The following KCNQ5 variants were observed in gnomAD, a reference collection of about 807,000 sequenced individuals.
KCNQ5 encodes the protein potassium voltage-gated channel subfamily KQT member 5.
Under a neutral mutation model 98.2 loss-of-function variants are expected in KCNQ5, and 30 were observed. The ratio of observed to expected loss-of-function variants is 0.31; its 90% CI spans 0.23 to 0.41. KCNQ5 has a LOEUF of 0.41. Among genes scored for constraint, KCNQ5 ranks in the 10% least tolerant of loss-of-function variants. The probability of loss-of-function intolerance (pLI) is 1.00; values close to 1 mark genes in which losing one functional copy is unlikely to be tolerated. For missense variants in KCNQ5, 835 were observed against 1,182.5 expected (o/e 0.71, Z 4.31); for synonymous variants, 458 against 449.4 (o/e 1.02, Z -0.24).
chr6:72,820,280 C>A (rs1775692075), intron 1 of KCNQ5, among the ~76,000 whole-genome samples: 1 of 152,054 alleles, frequency 6.6e-6, no homozygotes, highest in Non-Finnish European at 1.5e-5. Flanking sequence ...AACTGAGGGA[C>A]AAAGAGGTTA....
intron 10 of KCNQ5, chr6:73,136,755 A>T (rs967813676): frequency 2.6e-5 from 4 of 152,248 alleles, no homozygotes; most frequent in African/African-American, 9.6e-5. Context: ...AAAAAAAATT[A>T]AGTAGCTGTC....
chr6:73,013,444 TGTCCACATTCCAGG>T (rs1450021748), intron 2 of KCNQ5, among the ~76,000 whole-genome samples: 1 of 152,160 alleles, frequency 6.6e-6, no homozygotes, highest in Non-Finnish European at 1.5e-5. Context: ...TGAAACTGTG[TGTCCACATTCCAGG>T]GACAGTTAAA....
chr6:72,872,828 A>G (rs1778264315), intron 1 of KCNQ5, among the ~76,000 whole-genome samples: 1 of 152,164 alleles, frequency 6.6e-6, no homozygotes, highest in Non-Finnish European at 1.5e-5. Context: ...AATTATGAAT[A>G]CTGTCAACCA....
intron 10 of KCNQ5, among the ~76,000 whole-genome samples, chr6:73,145,817 G>A (rs1044097904): frequency 2.6e-5 from 4 of 152,184 alleles, no homozygotes; most frequent in Admixed American, 1.3e-4. Context: ...TTGACTCACA[G>A]TTCCACAACC....
intron 3 of KCNQ5, among the ~76,000 whole-genome samples, chr6:73,043,437 G>T (rs376299400): frequency 6.6e-6 from 1 of 152,180 alleles, no homozygotes; most frequent in African/African-American, 2.4e-5. Context: ...GAGCAAAGTC[G>T]GTGGTAACTC....
chr6:72,780,058 A>G (rs1194309289), intron 1 of KCNQ5, among the ~76,000 whole-genome samples: 1 of 152,110 alleles, frequency 6.6e-6, no homozygotes, highest in Non-Finnish European at 1.5e-5. Context: ...ATAATTTTTC[A>G]GTTGTACTCA....
chr6:73,058,652 CA>C (rs1772634843), intron 3 of KCNQ5, among the ~76,000 whole-genome samples: 1 of 152,066 alleles, frequency 6.6e-6, no homozygotes, highest in South Asian at 2.1e-4. Context: ...AAAATATTTG[CA>C]AACTATGCAT....
intron 7 of KCNQ5, among the ~76,000 whole-genome samples, chr6:73,113,280 T>C (rs1200042549): frequency 6.6e-6 from 1 of 152,234 alleles, no homozygotes; most frequent in East Asian, 1.9e-4. Context: ...CAGAAGTTAT[T>C]GCATGGGTTC....
chr6:72,686,193 C>T (rs550105115), intron 1 of KCNQ5, among the ~76,000 whole-genome samples: 95 of 152,316 alleles, frequency 6.2e-4, no homozygotes, highest in African/African-American at 2.1e-3. Context: ...CAGCTCATAA[C>T]ATGACTGGGT....
At chr6:73,077,681 GAATA>G in intron 4 of KCNQ5, 77 bp from the exon 5 acceptor site, 2 of 1,374,470 alleles carry the variant, frequency 1.5e-6, no homozygotes, top group Non-Finnish European at 2.0e-6. Context: ...GTAGTAAAGT[GAATA>G]GAATCCTCAT....
intron 7 of KCNQ5, among the ~76,000 whole-genome samples, chr6:73,113,456 C>T (rs1434383495): frequency 2.0e-5 from 3 of 152,214 alleles, no homozygotes; most frequent in Admixed American, 6.5e-5. Context: ...CCGCTCAATA[C>T]AGTAACCACT....
At chr6:72,657,462 C>T (rs963099788) in intron 1 of KCNQ5, among the ~76,000 whole-genome samples, 16 of 152,112 alleles carry the variant, frequency 1.1e-4, no homozygotes, top group African/African-American at 3.9e-4. Context: ...GATACTTTTT[C>T]AATGAAATAT....
At chr6:72,626,690 T>C (rs1178172811) in intron 1 of KCNQ5, among the ~76,000 whole-genome samples, 2 of 152,224 alleles carry the variant, frequency 1.3e-5, no homozygotes, top group Non-Finnish European at 2.9e-5. Context: ...TTTCCATTCA[T>C]TGTTGCATTC....
chr6:72,982,789 G>A (rs184420853), intron 1 of KCNQ5, among the ~76,000 whole-genome samples: 45 of 152,126 alleles, frequency 3.0e-4, no homozygotes, highest in Middle Eastern at 3.4e-3. Flanking sequence ...ACAATTTGAC[G>A]TTTTTGCAGT....
chr6:72,785,918 T>C (rs1366688088), intron 1 of KCNQ5, among the ~76,000 whole-genome samples: 2 of 152,028 alleles, frequency 1.3e-5, no homozygotes, highest in African/African-American at 4.8e-5. Flanking sequence ...AAACCCTGGG[T>C]TTAGGACAGT....
chr6:72,713,883 C>T (rs1157178412), intron 1 of KCNQ5, among the ~76,000 whole-genome samples: 2 of 152,154 alleles, frequency 1.3e-5, no homozygotes, highest in East Asian at 3.9e-4. Flanking sequence ...GTATCATTTC[C>T]AAAATCCTAA....
chr6:73,072,019 C>CA (rs991809254), intron 3 of KCNQ5, among the ~76,000 whole-genome samples: 2 of 151,806 alleles, frequency 1.3e-5, no homozygotes, highest in African/African-American at 2.4e-5. Flanking sequence ...AAAACTGGAA[C>CA]AAAAAAATGT....
At chr6:72,875,117 A>G (rs913897176) in intron 1 of KCNQ5, among the ~76,000 whole-genome samples, 9 of 152,204 alleles carry the variant, frequency 5.9e-5, no homozygotes, top group African/African-American at 1.9e-4. Flanking sequence ...TGTTTTATGC[A>G]TAAAGTGATG....
intron 1 of KCNQ5, among the ~76,000 whole-genome samples, chr6:72,780,616 G>C (rs1007084297): frequency 8.5e-5 from 13 of 152,196 alleles, no homozygotes; most frequent in Non-Finnish European, 7.4e-5. Context: ...GGGACATAGA[G>C]TGACTGTTGG....
Sources: gnomAD v4.1 joint callset for allele counts (sites outside exome capture counted in the v4.1 genomes callset) on GRCh38, gnomAD v4.1.1 for gene constraint, MANE v1.5 for transcripts, NCBI Gene and HGNC (gene_info 2026-07-23, HGNC 2026-07-21) for gene names.